Variants in ENTPD1 observed in about 807,000 individuals in gnomAD.
The protein encoded by ENTPD1 is ectonucleoside triphosphate diphosphohydrolase 1.
A neutral mutation model predicts 57.0 loss-of-function variants in ENTPD1; 33 were observed. The ratio of observed to expected loss-of-function variants is 0.58; its 90% CI spans 0.44 to 0.77. The LOEUF (loss-of-function observed/expected upper bound fraction) is 0.77, where lower values mean the gene tolerates loss of function less well. Among genes scored for constraint, ENTPD1 ranks in the 30% least tolerant of loss-of-function variants. The pLI is 0.00. For missense variants in ENTPD1, 501 were observed against 603.4 expected (o/e 0.83, Z 1.78); for synonymous variants, 202 against 218.8 (o/e 0.92, Z 0.68).
intron 1 of ENTPD1, among the ~76,000 whole-genome samples, chr10:95,732,323 A>G (rs1264294869): frequency 6.6e-6 from 1 of 151,998 alleles, no homozygotes; most frequent in Non-Finnish European, 1.5e-5. Context: ...AGTTCTTGCA[A>G]TTTTTCTGTA....
chr10:95,845,817 A>G, intron 6 of ENTPD1: 1 of 628,136 alleles, frequency 1.6e-6, no homozygotes, highest in Non-Finnish European at 2.8e-6. Flanking sequence ...CTCCACAGAC[A>G]CAACTGAGAT....
chr10:95,711,514 T>C (rs2097965560), upstream of ENTPD1, among the ~76,000 whole-genome samples: 1 of 152,250 alleles, frequency 6.6e-6, no homozygotes, highest in South Asian at 2.1e-4. Flanking sequence ...ATTTTCACTT[T>C]TTTTAGGGAC....
intron 1 of ENTPD1, among the ~76,000 whole-genome samples, chr10:95,715,498 C>T (rs934584357): frequency 6.6e-6 from 1 of 151,658 alleles, no homozygotes; most frequent in Non-Finnish European, 1.5e-5. Context: ...TTAATACATC[C>T]TGACAATTTT....
intron 1 of ENTPD1, among the ~76,000 whole-genome samples, chr10:95,800,452 A>T (rs891651620): frequency 2.6e-5 from 4 of 152,168 alleles, no homozygotes; most frequent in Admixed American, 6.5e-5. Flanking sequence ...CTTGATAAAC[A>T]TCTTAACAGG....
the ENTPD1 span, among the ~76,000 whole-genome samples, chr10:95,697,033 A>G: frequency 7.2e-5 from 11 of 152,356 alleles, no homozygotes; most frequent in African/African-American, 2.6e-4. Context: ...ACATTATAAG[A>G]ATACTTGAAA....
intron 1 of ENTPD1, among the ~76,000 whole-genome samples, chr10:95,712,846 A>G (rs896947788): frequency 5.9e-5 from 9 of 152,160 alleles, no homozygotes; most frequent in Non-Finnish European, 1.2e-4. Flanking sequence ...CATCCTGGCT[A>G]ACACGATGAA....
chr10:95,872,980 T>G lies in ENTPD1; in HGVS notation c.*6597T>G. On this transcript the variant is annotated 3_prime_UTR_variant, in exon 10 of 10. Transcript: ENST00000371205. ...TAAAACAGAATTTTAAGGATTAGAA[T>G]GAACCTTAAAAGATCATGCATCTCA... is the stretch of plus-strand genomic sequence containing the variant. The G allele has an allele frequency of 1.0e-6, 1 of 985,432 alleles. No homozygotes were observed. Among genetic ancestry groups the G allele is most frequent in the Non-Finnish European group, 1.2e-6 (1 of 829,904 alleles). 61.0% of individuals were successfully genotyped at this position (985,432 alleles called of 1,614,324 possible).
chr10:95,714,314 G>A (rs1044181696), intron 1 of ENTPD1, among the ~76,000 whole-genome samples: 4 of 151,584 alleles, frequency 2.6e-5, no homozygotes, highest in African/African-American at 4.8e-5. Flanking sequence ...ACCCTGTCTC[G>A]AAAAAGGAAT....
At chr10:95,751,866 C>T (rs2098012539), upstream of ENTPD1, among the ~76,000 whole-genome samples, 1 of 152,060 alleles carries the variant, frequency 6.6e-6, no homozygotes, top group Admixed American at 6.5e-5. Context: ...ATCTGGTGCT[C>T]ATGGGAGTGG....
intron 1 of ENTPD1, among the ~76,000 whole-genome samples, chr10:95,764,632 G>A (rs916091644): frequency 6.6e-6 from 1 of 151,836 alleles, no homozygotes; most frequent in Non-Finnish European, 1.5e-5. Flanking sequence ...TTTCCCTGAT[G>A]GCTGATGGTT....
At chr10:95,828,262 A>G (rs1035015039) in intron 2 of ENTPD1, among the ~76,000 whole-genome samples, 2 of 152,122 alleles carry the variant, frequency 1.3e-5, no homozygotes, top group African/African-American at 2.4e-5. Context: ...TAGGATCGGG[A>G]TTGCGTGCTC....
chr10:95,705,086 T>C, the ENTPD1 span, among the ~76,000 whole-genome samples: 1 of 152,148 alleles, frequency 6.6e-6, no homozygotes, highest in Non-Finnish European at 1.5e-5. Flanking sequence ...TAAGATAGAA[T>C]TCCATATCTT....
At chr10:95,793,668 A>G (rs1172772968) in intron 1 of ENTPD1, among the ~76,000 whole-genome samples, 1 of 152,198 alleles carries the variant, frequency 6.6e-6, no homozygotes, top group Non-Finnish European at 1.5e-5. Flanking sequence ...AGCAGTTGTA[A>G]TAAGCCTTCC....
At position 95,875,067 on chromosome 10, in the gene ENTPD1, C is replaced by T. The variant is rs1371095649; in HGVS notation, c.*8684C>T. On this transcript the variant is annotated 3_prime_UTR_variant, in exon 10 of 10. Transcript: ENST00000371205. ...CTGACATGACCTGGAGACATTTTCCCCATGGTCTTGGGGATTAACATTAGG... is the reference window on the plus strand; with the variant it reads ...CTGACATGACCTGGAGACATTTTCCTCATGGTCTTGGGGATTAACATTAGG... 2.0e-5 allele frequency: 3 copies of T among 152,214 alleles called. No individual in the cohort carries two copies. Among genetic ancestry groups the T allele is most frequent in the Non-Finnish European group, 4.4e-5 (3 of 68,044 alleles). 9.4% of individuals were successfully genotyped at this position (152,214 alleles called of 1,614,324 possible).
At chr10:95,706,896 G>A (rs779222254), upstream of ENTPD1, among the ~76,000 whole-genome samples, 18 of 152,164 alleles carry the variant, frequency 1.2e-4, no homozygotes, top group Non-Finnish European at 1.9e-4. Context: ...TTCATGGCCC[G>A]GGTGTTCAGC....
At chr10:95,744,266 T>C (rs2098003656) in intron 1 of ENTPD1, among the ~76,000 whole-genome samples, 1 of 152,014 alleles carries the variant, frequency 6.6e-6, no homozygotes. Context: ...TTCAGAATTA[T>C]GAATCTTGGG....
chr10:95,711,739 T>TG (rs1208815627), upstream of ENTPD1: 1 of 581,632 alleles, frequency 1.7e-6, no homozygotes, highest in Non-Finnish European at 3.1e-6. Context: ...TGTGACACTG[T>TG]GCCCAGCCTC....
At chr10:95,773,936 T>A (rs1287490630) in intron 1 of ENTPD1, among the ~76,000 whole-genome samples, 1 of 152,174 alleles carries the variant, frequency 6.6e-6, no homozygotes, top group Non-Finnish European at 1.5e-5. Context: ...TTGAACTAGT[T>A]TACACTCCCA....
At chr10:95,695,251 C>T in the ENTPD1 span, among the ~76,000 whole-genome samples, 3 of 152,036 alleles carry the variant, frequency 2.0e-5, no homozygotes, top group Non-Finnish European at 2.9e-5. Flanking sequence ...TAACCACAGA[C>T]GTGAGTAGCT....
Sources: gnomAD v4.1 joint callset for allele counts (sites outside exome capture counted in the v4.1 genomes callset) on GRCh38, gnomAD v4.1.1 for gene constraint, MANE v1.5 for transcripts, NCBI Gene and HGNC (gene_info 2026-07-23, HGNC 2026-07-21) for gene names.